The following CNTNAP2 variants were observed in gnomAD, a reference collection of about 807,000 sequenced individuals.
CNTNAP2 encodes the protein contactin associated protein 2.
Under a neutral mutation model 155.2 loss-of-function variants are expected in CNTNAP2, and 98 were observed. The observed-to-expected ratio is 0.63, with a 90% confidence interval of 0.54 to 0.75. CNTNAP2 has a LOEUF of 0.75. Among genes scored for constraint, CNTNAP2 ranks in the 30% least tolerant of loss-of-function variants. The pLI is 0.00. For synonymous variants in CNTNAP2, 651 were observed against 631.2 expected, an observed-to-expected ratio of 1.03 and a Z score of -0.47; for missense variants, 1,727 against 1,688.1, an observed-to-expected ratio of 1.02 and a Z score of -0.40.
At chr7:147,075,835 A>G (rs961654475) in intron 4 of CNTNAP2, among the ~76,000 whole-genome samples, 1 of 151,954 alleles carries the variant, frequency 6.6e-6, no homozygotes, top group Non-Finnish European at 1.5e-5. Context: ...CCTGTGTCCA[A>G]ATATTCTCAT....
At chr7:148,002,190 A>T (rs1230309137) in intron 15 of CNTNAP2, among the ~76,000 whole-genome samples, 1 of 152,194 alleles carries the variant, frequency 6.6e-6, no homozygotes, top group Non-Finnish European at 1.5e-5. Context: ...TTGATGGTTT[A>T]ACTATGTTTT....
intron 14 of CNTNAP2, among the ~76,000 whole-genome samples, chr7:147,952,236 A>T (rs1800945325): frequency 1.3e-5 from 1 of 75,338 alleles, no homozygotes; most frequent in African/African-American, 3.9e-5. Context: ...TGAGGTTGGG[A>T]GTTTGAGACC....
chr7:147,849,456 C>A (rs2116664556), intron 13 of CNTNAP2, among the ~76,000 whole-genome samples: 1 of 152,322 alleles, frequency 6.6e-6, no homozygotes, highest in East Asian at 1.9e-4. Flanking sequence ...TTACTCCAGA[C>A]TGTCCTCATC....
At chr7:147,042,543 A>AT (rs893273201) in intron 3 of CNTNAP2, among the ~76,000 whole-genome samples, 14 of 151,284 alleles carry the variant, frequency 9.3e-5, no homozygotes, top group African/African-American at 1.5e-4. Flanking sequence ...GCTACTCTGT[A>AT]TTTTTTTTTA....
At chr7:147,254,886 T>C (rs1279682798) in intron 8 of CNTNAP2, among the ~76,000 whole-genome samples, 1 of 152,236 alleles carries the variant, frequency 6.6e-6, no homozygotes, top group African/African-American at 2.4e-5. Context: ...AAGAATTTCT[T>C]ACTCTAAAAA....
intron 2 of CNTNAP2, among the ~76,000 whole-genome samples, chr7:146,790,602 C>T (rs1802652841): frequency 6.7e-6 from 1 of 149,048 alleles, no homozygotes; most frequent in African/African-American, 2.5e-5. Flanking sequence ...CGGAGTCTCG[C>T]TCTGTCGCCC....
chr7:148,003,263 C>G (rs1455040639), intron 15 of CNTNAP2, among the ~76,000 whole-genome samples: 1 of 152,120 alleles, frequency 6.6e-6, no homozygotes, highest in Non-Finnish European at 1.5e-5. Context: ...GGGATGAGAT[C>G]AGAATTACTA....
chr7:147,128,008 C>G (rs967880202), intron 6 of CNTNAP2, among the ~76,000 whole-genome samples: 1 of 152,036 alleles, frequency 6.6e-6, no homozygotes, highest in Non-Finnish European at 1.5e-5. Context: ...TATTTTCTTT[C>G]TATAAGCGAT....
At chr7:146,897,786 C>A (rs888289800) in intron 3 of CNTNAP2, among the ~76,000 whole-genome samples, 1 of 151,880 alleles carries the variant, frequency 6.6e-6, no homozygotes, top group African/African-American at 2.4e-5. Flanking sequence ...TTTAAGTTAG[C>A]CTCATTTTTT....
intron 8 of CNTNAP2, among the ~76,000 whole-genome samples, chr7:147,203,492 A>T (rs561702024): frequency 6.6e-6 from 1 of 152,286 alleles, no homozygotes; most frequent in African/African-American, 2.4e-5. Flanking sequence ...TCGGCCTTCC[A>T]AAGTGCTGGG....
intron 3 of CNTNAP2, among the ~76,000 whole-genome samples, chr7:146,971,206 A>AT (rs754352831): frequency 4.7e-5 from 6 of 127,680 alleles, no homozygotes; most frequent in African/African-American, 8.7e-5. Context: ...TTAAAGTATA[A>AT]TTAAAAAAAA....
intron 1 of CNTNAP2, among the ~76,000 whole-genome samples, chr7:146,405,849 G>T (rs1444179681): frequency 2.6e-5 from 4 of 152,098 alleles, no homozygotes; most frequent in Non-Finnish European, 2.9e-5. Context: ...GGACAGAATG[G>T]GGCCAGTACA....
At chr7:146,884,098 C>A (rs1429184437) in intron 3 of CNTNAP2, among the ~76,000 whole-genome samples, 1 of 151,990 alleles carries the variant, frequency 6.6e-6, no homozygotes, top group Non-Finnish European at 1.5e-5. Context: ...TGGGTATATG[C>A]AGGGGATGGG....
chr7:147,176,748 A>ATAGAATT (rs1236502831), intron 8 of CNTNAP2, among the ~76,000 whole-genome samples: 1 of 94,518 alleles, frequency 1.1e-5, no homozygotes, highest in Non-Finnish European at 2.0e-5. Flanking sequence ...TTATAATTAT[A>ATAGAATT]ATATATAATT....
intron 3 of CNTNAP2, among the ~76,000 whole-genome samples, chr7:146,995,348 A>G (rs1196221814): frequency 6.6e-6 from 1 of 152,092 alleles, no homozygotes; most frequent in Non-Finnish European, 1.5e-5. Context: ...TTGGATCTAT[A>G]CCATTAACAA....
intron 13 of CNTNAP2, among the ~76,000 whole-genome samples, chr7:147,830,206 A>G (rs996892609): frequency 1.3e-5 from 2 of 151,278 alleles, no homozygotes; most frequent in African/African-American, 2.4e-5. Flanking sequence ...TATAAACAAC[A>G]GGAATTCATT....
chr7:146,238,389 AT>A (rs1437141017), intron 1 of CNTNAP2, among the ~76,000 whole-genome samples: 2 of 152,166 alleles, frequency 1.3e-5, no homozygotes, highest in Non-Finnish European at 2.9e-5. Flanking sequence ...TTGGCATCAG[AT>A]ACGTGAGCAC....
chr7:147,587,966 TC>T (rs1414919257), intron 12 of CNTNAP2, among the ~76,000 whole-genome samples: 1 of 152,140 alleles, frequency 6.6e-6, no homozygotes, highest in Non-Finnish European at 1.5e-5. Context: ...AAATTTGCTT[TC>T]CTGAGCCTTT....
At chr7:147,642,941 A>G (rs1584875503) in intron 13 of CNTNAP2, among the ~76,000 whole-genome samples, 1 of 152,148 alleles carries the variant, frequency 6.6e-6, no homozygotes, top group East Asian at 1.9e-4. Context: ...TTTAAGTGTT[A>G]CCTCACCCAA....
Sources: allele counts gnomAD v4.1 joint callset (sites outside exome capture counted in the v4.1 genomes callset), GRCh38; gene constraint gnomAD v4.1.1; transcripts MANE v1.5; gene names NCBI Gene and HGNC (gene_info 2026-07-23, HGNC 2026-07-21).